The following FANCA variants were observed in gnomAD, a reference collection of about 807,000 sequenced individuals.
The protein encoded by FANCA is Fanconi anemia group A protein.
In FANCA, 236 loss-of-function variants were observed where a neutral mutation model predicts 194.3. The ratio of observed to expected loss-of-function variants is 1.21; its 90% confidence interval spans 1.09 to 1.35. The LOEUF (loss-of-function observed/expected upper bound fraction) is 1.35, where lower values mean the gene tolerates loss of function less well. Among genes scored for constraint, FANCA ranks in the 40% most tolerant of loss-of-function variants. The pLI is 0.00. For missense variants in FANCA, 2,628 were observed against 1,813.9 expected (o/e 1.45, Z -8.15); for synonymous variants, 1,014 against 715.8 (o/e 1.42, Z -6.65).
chr16:89,740,044 A>C lies in FANCA; in HGVS notation c.3884T>G (p.Leu1295Ter), dbSNP rs986710868. The change falls in exon 39 of 43, where the codon TTA (leucine) becomes TGA (stop). Residue 1295 changes from leucine to a stop codon, truncating the protein, a stop_gained. Coordinates refer to ENST00000389301, the MANE Select transcript of FANCA (RefSeq NM_000135.4). LOFTEE classifies it high-confidence loss of function. ...FHVCAAILEC[L>*]EKRKISWLAL... ...CAGCCAGGATATCTTCCTCTTCTCT[A>C]AACACTCGAGGATTGCTGCACAAAC... 3.7e-6 allele frequency: 6 copies of C among 1,614,126 alleles called. No individual in the cohort carries two copies. Among genetic ancestry groups the C allele is most frequent in the South Asian group, 1.1e-5 (1 of 91,080 alleles).
chr16:89,815,255 T>C (rs1298273046), intron 2 of FANCA, among the ~76,000 whole-genome samples: 1 of 150,248 alleles, frequency 6.7e-6, no homozygotes, highest in Non-Finnish European at 1.5e-5. Flanking sequence ...CAGGCTGGTC[T>C]CGAACTCCTA....
At chr16:89,788,569 C>A (rs1476761) in intron 14 of FANCA, among the ~76,000 whole-genome samples, 18 of 152,024 alleles carry the variant, frequency 1.2e-4, no homozygotes, top group Non-Finnish European at 7.4e-5. Flanking sequence ...GGTTAAGGTG[C>A]GGGGATCGCA....
At chr16:89,805,077 T>C (rs1020816380) in intron 7 of FANCA, among the ~76,000 whole-genome samples, 10 of 152,070 alleles carry the variant, frequency 6.6e-5, no homozygotes, top group African/African-American at 2.4e-4. Flanking sequence ...TAAACTCATG[T>C]CAAGGCCGAC....
At position 89,770,190 on chromosome 16, in the gene FANCA, C is replaced by T. The variant is rs56267906; in HGVS notation, c.2292G>A (p.Arg764=). The part of the protein sequence containing the change: ...CGRVLPAVLT[R]LCQLLRHQGP... ...CCTGGTGACGGAGCAGCTGGCAGAG[C>T]CGGGTGAGCACTGCAGGGAGCACAC... is the stretch of plus-strand genomic sequence containing the variant. The change falls in exon 25 of 43, where the codon CGG becomes CGA. Residue 764 remains arginine (R), a synonymous_variant. Coordinates refer to ENST00000389301, the MANE Select transcript of FANCA (RefSeq NM_000135.4). The T allele has an allele frequency of 4.5e-5, 71 of 1,592,928 alleles. No individual in the cohort carries two copies. In the East Asian group the frequency reaches 1.2e-3, roughly 28 times the overall value.
intron 11 of FANCA, 137 bp from the exon 12 acceptor site, chr16:89,792,684 G>T: frequency 4.2e-6 from 3 of 722,460 alleles, no homozygotes; most frequent in South Asian, 3.0e-5. Context: ...AAAGATACAA[G>T]ACAAAGAGAT....
chr16:89,746,412 G>C (rs970559687), intron 35 of FANCA, among the ~76,000 whole-genome samples, 172 bp downstream of exon 35: 1 of 151,878 alleles, frequency 6.6e-6, no homozygotes, highest in East Asian at 1.9e-4. Context: ...AGGATGTGCG[G>C]CCCTCATCTG....
At position 89,749,845 on chromosome 16, in the gene FANCA, G is replaced by A. The variant is rs1355177352; in HGVS notation, c.3124C>T (p.Pro1042Ser). ...TCAAAGAGGAAGTGCTCCTGGGAAG[G>A]GGTGTGGCCGAGAGGCACTATGAGG... ...QDLIVPLGHT[P>S]SQEHFLFEIF... The change falls in exon 32 of 43, where the codon CCT (proline) becomes TCT (serine). Residue 1042 changes from proline (P) to serine (S), a missense_variant. By Grantham distance (74) the Pro-to-Ser change is moderately conservative. Coordinates refer to ENST00000389301, the MANE Select transcript of FANCA (RefSeq NM_000135.4). 1 of 1,614,226 alleles carries A rather than the reference G, an allele frequency of 6.2e-7. No individual in the cohort carries two copies. Among genetic ancestry groups the A allele is most frequent in the Non-Finnish European group, 8.5e-7 (1 of 1,180,034 alleles).
chr16:89,780,558 T>C (rs1180608496), intron 17 of FANCA, among the ~76,000 whole-genome samples: 2 of 151,190 alleles, frequency 1.3e-5, no homozygotes, highest in African/African-American at 4.9e-5. Flanking sequence ...CAGGAAATCA[T>C]GGCTCCAGTA....
chr16:89,799,140 C>G (rs1174568028), intron 10 of FANCA, 26 bp downstream of exon 10: 1 of 1,614,208 alleles, frequency 6.2e-7, no homozygotes, highest in South Asian at 1.1e-5. Context: ...GCTGCACACT[C>G]AGGCAGGCCA....
intron 28 of FANCA, among the ~76,000 whole-genome samples, chr16:89,763,920 G>GAAA (rs60602870): frequency 5.6e-5 from 8 of 142,482 alleles, no homozygotes; most frequent in African/African-American, 2.0e-4. Flanking sequence ...GACTCCACCA[G>GAAA]AAAAAAAAAA....
chr16:89,785,167 A>G (rs7202091), intron 14 of FANCA, among the ~76,000 whole-genome samples: 10 of 152,192 alleles, frequency 6.6e-5, no homozygotes, highest in African/African-American at 9.7e-5. Context: ...CTCCTAAACA[A>G]AAAGGAAAAA....
Position 89,769,805 on chromosome 16 carries a change from A to T in FANCA, c.2504+32T>A, listed in dbSNP as rs1175416836. 4.3e-6 allele frequency: 7 copies of T among 1,611,624 alleles called. No individual in the cohort carries two copies. The African/African-American group carries it at 9.4e-5, about 22-fold the overall frequency. On this transcript the variant is annotated intron_variant, in intron 26 of 42. Transcript: ENST00000389301. Reference sequence around the variant, plus strand: ...CATGTGTCACTTTTCGAGAGAGAGGAGAGAAGACGCGACTGTGGAAGAAGA... The same window carrying T: ...CATGTGTCACTTTTCGAGAGAGAGGTGAGAAGACGCGACTGTGGAAGAAGA...
chr16:89,812,407 G>C (rs1316676137), intron 3 of FANCA, among the ~76,000 whole-genome samples: 2 of 151,872 alleles, frequency 1.3e-5, no homozygotes, highest in African/African-American at 4.8e-5. Context: ...AGCACTTTGG[G>C]AGGCCGAGGC....
At chr16:89,744,446 C>T (rs906637767) in intron 36 of FANCA, among the ~76,000 whole-genome samples, 14 of 152,046 alleles carry the variant, frequency 9.2e-5, no homozygotes, top group African/African-American at 3.1e-4. Context: ...TGCAAGGACC[C>T]GTGAATATCT....
intron 7 of FANCA, 74 bp from the exon 8 acceptor site, chr16:89,803,415 C>T (rs2040526770): frequency 7.4e-7 from 1 of 1,359,176 alleles, no homozygotes; most frequent in East Asian, 2.3e-5. Flanking sequence ...ACAGACCATC[C>T]ACTTCAGAGG....
chr16:89,804,982 G>A (rs780732882), intron 7 of FANCA, among the ~76,000 whole-genome samples: 7 of 152,198 alleles, frequency 4.6e-5, no homozygotes, highest in Non-Finnish European at 5.9e-5. Flanking sequence ...GTTGCAGTGA[G>A]CTGAGATCGC....
intron 3 of FANCA, among the ~76,000 whole-genome samples, chr16:89,813,172 T>A (rs1403812352): frequency 6.6e-6 from 1 of 151,912 alleles, no homozygotes; most frequent in Non-Finnish European, 1.5e-5. Context: ...CCCAACACCT[T>A]GGGTGGCTGA....
intron 30 of FANCA, 78 bp downstream of exon 30, chr16:89,758,499 T>C (rs1273963373): frequency 1.3e-6 from 2 of 1,564,282 alleles, no homozygotes; most frequent in Non-Finnish European, 8.8e-7. Context: ...GGCACCAGCA[T>C]GGCCAGAAAC....
intron 21 of FANCA, among the ~76,000 whole-genome samples, chr16:89,774,647 A>G (rs2190806): frequency 0.064 from 9,225 of 145,168 alleles, 423 homozygotes; most frequent in East Asian, 0.24. Context: ...GGAGAATGGC[A>G]TGAACCTGGG....
Sources: allele counts gnomAD v4.1 joint callset (sites outside exome capture counted in the v4.1 genomes callset), GRCh38; gene constraint gnomAD v4.1.1; transcripts MANE v1.5; gene names NCBI Gene and HGNC (gene_info 2026-07-23, HGNC 2026-07-21).